Variants in PWP1 observed in about 807,000 individuals in gnomAD.
PWP1 encodes periodic tryptophan protein 1 homolog.
In PWP1, 47 loss-of-function variants were observed where a neutral mutation model predicts 69.9. The observed-to-expected ratio is 0.67, with a 90% CI of 0.53 to 0.86. The LOEUF (loss-of-function observed/expected upper bound fraction) is 0.86. PWP1 is among the 40% of genes least tolerant of loss of function. The probability of loss-of-function intolerance (pLI) is 0.00; values close to 1 mark genes in which losing one functional copy is unlikely to be tolerated. For missense variants in PWP1, 551 were observed against 608.8 expected (o/e 0.91, Z 1.00); for synonymous variants, 222 against 208.2 (o/e 1.07, Z -0.57).
At chr12:107,690,123 T>C (rs147995707) in intron 3 of PWP1, among the ~76,000 whole-genome samples, 28 of 152,166 alleles carry the variant, frequency 1.8e-4, no homozygotes, top group African/African-American at 5.6e-4. Flanking sequence ...AAAATCAAAA[T>C]GTAGATGATC....
intron 7 of PWP1, chr12:107,697,903 T>C (rs576174478): frequency 3.1e-4 from 133 of 434,938 alleles, no homozygotes; most frequent in Admixed American, 2.1e-4. Flanking sequence ...CCAAATACAG[T>C]AGCTATTTAT....
chr12:107,707,781 G>A (rs770341929), intron 11 of PWP1, among the ~76,000 whole-genome samples: 8 of 152,118 alleles, frequency 5.3e-5, no homozygotes, highest in Non-Finnish European at 7.4e-5. Context: ...GCTTTTTGAT[G>A]TGCTGCTGGA....
At chr12:107,686,835 G>T (rs1593139203) in intron 1 of PWP1, among the ~76,000 whole-genome samples, 1 of 152,140 alleles carries the variant, frequency 6.6e-6, no homozygotes, top group South Asian at 2.1e-4. Flanking sequence ...GTGTGGTGGT[G>T]GATGCCTGTA....
At chr12:107,703,598 C>G (rs1021713981) in intron 9 of PWP1, 87 bp from the exon 10 acceptor site, 86 of 1,123,552 alleles carry the variant, frequency 7.7e-5, no homozygotes, top group Admixed American at 2.1e-4. Context: ...TATAGAAATA[C>G]TGTCAAATAG....
intron 13 of PWP1, among the ~76,000 whole-genome samples, chr12:107,709,990 A>G (rs779414109): frequency 4.6e-5 from 7 of 152,232 alleles, no homozygotes; most frequent in Non-Finnish European, 1.0e-4. Flanking sequence ...TAACAAATAT[A>G]TATTACCTAT....
At position 107,692,731 on chromosome 12, in the gene PWP1, A is replaced by G. The variant is rs996284649; in HGVS notation, c.320-83A>G. 11 of 1,168,542 alleles carry G rather than the reference A, an allele frequency of 9.4e-6. No homozygotes were observed. In the African/African-American group the frequency reaches 1.7e-4, roughly 18 times the overall value. 72.4% of individuals were successfully genotyped at this position (1,168,542 alleles called of 1,614,324 possible). On this transcript the variant is annotated intron_variant, in intron 3 of 14. Coordinates refer to ENST00000412830, the MANE Select transcript of PWP1 (RefSeq NM_007062.3). ...AGTTATAAAATAGATGATTGCATCT[A>G]AGTCCAAGAATGGATGTCATAGGAA...
At chr12:107,695,986 G>A (rs59081821) in intron 5 of PWP1, among the ~76,000 whole-genome samples, 84,740 of 149,278 alleles carry the variant, frequency 0.57, 26,121 homozygotes, top group East Asian at 0.7. Flanking sequence ...AGATGGCACT[G>A]TATTAGACAT....
intron 7 of PWP1, 85 bp from the exon 8 acceptor site, chr12:107,699,288 G>A (rs1175707812): frequency 9.4e-7 from 1 of 1,060,528 alleles, no homozygotes; most frequent in Non-Finnish European, 1.4e-6. Context: ...TAATCTTAAG[G>A]TTTAAAGAAT....
chr12:107,705,294 T>C, intron 11 of PWP1, among the ~76,000 whole-genome samples: 1 of 152,088 alleles, frequency 6.6e-6, no homozygotes, highest in South Asian at 2.1e-4. Context: ...CCAGCTTTCA[T>C]CCAGAGCAAA....
chr12:107,704,782 G>C (rs1160788858), intron 11 of PWP1, 35 bp downstream of exon 11: 3 of 1,542,776 alleles, frequency 1.9e-6, no homozygotes, highest in Non-Finnish European at 2.7e-6. Flanking sequence ...TGCTTTTCTA[G>C]GTTGCTAATG....
At chr12:107,709,255 GTTT>G (rs1889893922) in intron 13 of PWP1, 23 bp downstream of exon 13, 1 of 1,606,212 alleles carries the variant, frequency 6.2e-7, no homozygotes, top group Non-Finnish European at 8.5e-7. Context: ...CTGGGTATCT[GTTT>G]TTTATTTATT....
intron 5 of PWP1, 64 bp from the exon 6 acceptor site, chr12:107,696,410 A>G: frequency 6.3e-7 from 1 of 1,580,876 alleles, no homozygotes. Context: ...TGTTTTTTTG[A>G]GCGGGATGTG....
At position 107,692,711 on chromosome 12, in the gene PWP1, T is replaced by A. The variant is rs886403153; in HGVS notation, c.320-103T>A. ...ACTCTAGATGATCCAGAGTTAGTTA[T>A]AAAATAGATGATTGCATCTAAGTCC... On this transcript the variant is annotated intron_variant, in intron 3 of 14. Transcript: ENST00000412830. 12 of 974,404 alleles carry A rather than the reference T, an allele frequency of 1.2e-5. No homozygotes were observed. In the African/African-American group the frequency reaches 1.5e-4, roughly 12 times the overall value. The allele number at this position is 974,404 out of a possible 1,614,324, so 60.4% of individuals were successfully genotyped here.
chr12:107,687,205 G>C (rs1232392154), intron 1 of PWP1, among the ~76,000 whole-genome samples: 1 of 152,140 alleles, frequency 6.6e-6, no homozygotes, highest in Non-Finnish European at 1.5e-5. Flanking sequence ...AATTCCACCT[G>C]GGCACAGACT....
intron 7 of PWP1, among the ~76,000 whole-genome samples, chr12:107,698,350 C>T (rs1889634000): frequency 6.6e-6 from 1 of 151,422 alleles, no homozygotes; most frequent in Non-Finnish European, 1.5e-5. Context: ...GAGCGAGACT[C>T]TGTCTCAAGG....
intron 14 of PWP1, among the ~76,000 whole-genome samples, chr12:107,711,041 A>G (rs1370444371): frequency 6.6e-6 from 1 of 152,236 alleles, no homozygotes; most frequent in Non-Finnish European, 1.5e-5. Context: ...CAGAGCAGAC[A>G]GCCCCGAACA....
At chr12:107,697,160 G>A (rs1420912620) in intron 6 of PWP1, among the ~76,000 whole-genome samples, 4 of 152,202 alleles carry the variant, frequency 2.6e-5, no homozygotes, top group Middle Eastern at 3.4e-3. Context: ...AGGACGGGAG[G>A]AGGGTTATTC....
chr12:107,693,900 G>C (rs74573164), intron 5 of PWP1, among the ~76,000 whole-genome samples: 8,313 of 151,874 alleles, frequency 0.055, 782 homozygotes, highest in African/African-American at 0.19. Flanking sequence ...TTTCCCCTTT[G>C]CAAAACATTT....
At chr12:107,698,884 A>G (rs1230768281) in intron 7 of PWP1, among the ~76,000 whole-genome samples, 8 of 152,204 alleles carry the variant, frequency 5.3e-5, no homozygotes, top group African/African-American at 1.9e-4. Context: ...GGGCCGCTGC[A>G]CCCAGCCCCT....
Sources: gnomAD v4.1 joint callset for allele counts (sites outside exome capture counted in the v4.1 genomes callset) on GRCh38, gnomAD v4.1.1 for gene constraint, MANE v1.5 for transcripts, NCBI Gene and HGNC (gene_info 2026-07-23, HGNC 2026-07-21) for gene names.